MID1: variants seen among roughly 807,000 people sequenced by gnomAD.
The protein encoded by MID1 is E3 ubiquitin-protein ligase Midline-1.
In MID1, 7 loss-of-function variants were observed where a neutral mutation model predicts 40.4. The ratio of observed to expected loss-of-function variants is 0.17; its 90% CI spans 0.10 to 0.33. The LOEUF is 0.33. Ranked by LOEUF, MID1 falls within the 10% of genes least tolerant of loss-of-function variation. MID1 has a pLI of 1.00. For synonymous variants in MID1, 229 were observed against 221.2 expected (o/e 1.04, Z -0.31); for missense variants, 367 against 558.5 (o/e 0.66, Z 3.46).
chrX:10,506,361 T>TA, intron 3 of MID1: 1 of 1,117,982 alleles, frequency 8.9e-7, no homozygotes, highest in Non-Finnish European at 1.2e-6. Flanking sequence ...AAAACACCAG[T>TA]ACTGGGTAGG....
intron 1 of MID1, among the ~76,000 whole-genome samples, chrX:10,641,196 CA>C (rs1171700857): frequency 9.0e-6 from 1 of 110,862 alleles, no homozygotes; most frequent in Non-Finnish European, 1.9e-5. Context: ...GATAGAGACA[CA>C]AAAAAACTCT....
chrX:10,756,820 G>T (rs1407719445), intron 1 of MID1, among the ~76,000 whole-genome samples: 1 of 112,026 alleles, frequency 8.9e-6, no homozygotes, highest in Non-Finnish European at 1.9e-5. Flanking sequence ...TTCCAGATAA[G>T]CTAAAAATGA....
chrX:10,575,003 G>A (rs1178297647), intron 1 of MID1, among the ~76,000 whole-genome samples: 4 of 112,569 alleles, frequency 3.6e-5, no homozygotes, highest in South Asian at 3.7e-4. Context: ...AAAATTGCAC[G>A]ATGTTACAGC....
rs146265375 is a variant in MID1 at position 10,796,033 on chromosome X, C to T, written c.-187+37521G>A. On this transcript the variant is annotated intron_variant, in intron 1 of 10. Transcript: ENST00000380785. Reference sequence around the variant, plus strand: ...GGAAGAATGAGGCTGTAAGTTTGCTCACCAAGAGGCACTTGGTGGGAAGAA... The same window carrying T: ...GGAAGAATGAGGCTGTAAGTTTGCTTACCAAGAGGCACTTGGTGGGAAGAA... Among the ~76,000 whole-genome samples the T allele has an allele frequency of 9.8e-3, 1,095 of 112,038 alleles. 3 individuals carry two copies. The highest frequency in any genetic ancestry group is 0.017 in the Non-Finnish European group (898 of 53,196).
At chrX:10,809,605 A>G (rs2044080136) in intron 1 of MID1, among the ~76,000 whole-genome samples, 2 of 111,727 alleles carry the variant, frequency 1.8e-5, no homozygotes, top group African/African-American at 6.5e-5. Context: ...GCCATAAAAA[A>G]GGATGAGTTC....
chrX:10,566,532 C>CCTCTCTCTCTCCCT, intron 2 of MID1, among the ~76,000 whole-genome samples: 2 of 52,865 alleles, frequency 3.8e-5, no homozygotes, highest in African/African-American at 1.2e-4. Context: ...CCTCTCTCTC[C>CCTCTCTCTCTCCCT]CTCTCTCTCT....
intron 1 of MID1, among the ~76,000 whole-genome samples, chrX:10,755,248 A>G (rs775421913): frequency 6.2e-5 from 7 of 112,093 alleles, no homozygotes; most frequent in Non-Finnish European, 1.3e-4. Context: ...AGAAGATTGC[A>G]GAAAACAAAA....
intron 5 of MID1, among the ~76,000 whole-genome samples, chrX:10,475,488 A>G (rs1047589763): frequency 2.7e-5 from 3 of 111,851 alleles, no homozygotes; most frequent in African/African-American, 6.5e-5. Flanking sequence ...GTGTGTCTCA[A>G]TCTCCTTCTA....
chrX:10,581,068 G>A (rs56024495), intron 1 of MID1, among the ~76,000 whole-genome samples: 2 of 110,267 alleles, frequency 1.8e-5, no homozygotes, highest in Non-Finnish European at 3.8e-5. Context: ...GGCCAATGTA[G>A]TGAAACCTCA....
intron 1 of MID1, among the ~76,000 whole-genome samples, chrX:10,783,861 T>TA (rs2043862519): frequency 9.2e-6 from 1 of 109,253 alleles, no homozygotes; most frequent in South Asian, 4.0e-4. Context: ...AATGTGAGAT[T>TA]AAAAACAGAC....
chrX:10,625,082 A>T (rs1188513324), upstream of MID1, among the ~76,000 whole-genome samples: 12 of 111,559 alleles, frequency 1.1e-4, no homozygotes. Flanking sequence ...TTATTTTTTA[A>T]GTGATTGCCT....
At chrX:10,564,924 G>C (rs187506343) in intron 2 of MID1, among the ~76,000 whole-genome samples, 6 of 106,265 alleles carry the variant, frequency 5.6e-5, no homozygotes, top group Non-Finnish European at 7.7e-5. Context: ...TTTACATTTT[G>C]GAAAACAAAA....
At chrX:10,786,831 G>A (rs749018109) in intron 1 of MID1, among the ~76,000 whole-genome samples, 1 of 78,081 alleles carries the variant, frequency 1.3e-5, no homozygotes. Context: ...GTGGGGGGAG[G>A]GGGGAGGGAT....
chrX:10,606,847 T>A (rs1401596422), intron 1 of MID1, among the ~76,000 whole-genome samples: 1 of 111,456 alleles, frequency 9.0e-6, no homozygotes, highest in African/African-American at 3.3e-5. Flanking sequence ...TCCTCCCGAC[T>A]CAGCCTCCCA....
At chrX:10,483,732 T>G (rs889899225) in intron 4 of MID1, among the ~76,000 whole-genome samples, 9 of 112,381 alleles carry the variant, frequency 8.0e-5, no homozygotes, top group Non-Finnish European at 1.7e-4. Context: ...CAAGAAATTC[T>G]TTCTTTCTCC....
upstream of MID1, among the ~76,000 whole-genome samples, chrX:10,622,017 A>G (rs1445667934): frequency 9.5e-6 from 1 of 105,486 alleles, no homozygotes; most frequent in African/African-American, 3.5e-5. Context: ...CTCCTGGGTG[A>G]TGAAATCACG....
rs144130621 is a variant in MID1 at position 10,708,304 on chromosome X, G to T, written c.-186-87885C>A. Among the ~76,000 whole-genome samples the T allele has an allele frequency of 2.5e-4, 28 of 111,601 alleles. No homozygotes were observed. The East Asian group carries it at 6.7e-3, about 27-fold the overall frequency. On this transcript the variant is annotated intron_variant, in intron 1 of 10. Coordinates refer to the MID1 transcript ENST00000380785. Reference sequence around the variant, plus strand: ...AAATATGGGCTGGTAGTTCAGACAGGTATACATAATTCATGATTTTTTAAC... The same window carrying T: ...AAATATGGGCTGGTAGTTCAGACAGTTATACATAATTCATGATTTTTTAAC...
intron 1 of MID1, among the ~76,000 whole-genome samples, chrX:10,705,481 A>T (rs1285912754): frequency 8.9e-6 from 1 of 112,321 alleles, no homozygotes; most frequent in East Asian, 2.8e-4. Flanking sequence ...TCTACTCCGT[A>T]AATATTGTTG....
At chrX:10,649,590 T>C (rs1412385302) in intron 1 of MID1, among the ~76,000 whole-genome samples, 1 of 112,057 alleles carries the variant, frequency 8.9e-6, no homozygotes, top group East Asian at 2.8e-4. Flanking sequence ...TTTGTATCCA[T>C]CTAAGTAAGA....
Sources: gnomAD v4.1 joint callset for allele counts (sites outside exome capture counted in the v4.1 genomes callset) on GRCh38, gnomAD v4.1.1 for gene constraint, MANE v1.5 for transcripts, NCBI Gene and HGNC (gene_info 2026-07-23, HGNC 2026-07-21) for gene names.